Variants in PHACTR1 observed in about 807,000 individuals in gnomAD.
The protein encoded by PHACTR1 is RPEL repeat containing 1.
A neutral mutation model predicts 69.2 loss-of-function variants in PHACTR1; 16 were observed. That is an observed-to-expected ratio of 0.23 (90% CI 0.16 to 0.35). The LOEUF is 0.35. PHACTR1 is among the 10% of genes least tolerant of loss of function. The pLI is 1.00. For missense variants in PHACTR1, 510 were observed against 734.7 expected (o/e 0.69, Z 3.54); for synonymous variants, 312 against 284.5 (o/e 1.10, Z -0.97).
At chr6:12,847,991 T>C (rs1303002580) in intron 4 of PHACTR1, among the ~76,000 whole-genome samples, 1 of 152,210 alleles carries the variant, frequency 6.6e-6, no homozygotes, top group Non-Finnish European at 1.5e-5. Flanking sequence ...ACCATCTTGA[T>C]GTGGTTAGAA....
intron 7 of PHACTR1, among the ~76,000 whole-genome samples, chr6:13,198,928 C>A (rs1764805604): frequency 6.6e-6 from 1 of 152,168 alleles, no homozygotes; most frequent in Admixed American, 6.5e-5. Context: ...GAACTTGCAG[C>A]ACCAGGTGTC....
intron 4 of PHACTR1, among the ~76,000 whole-genome samples, chr6:12,828,487 C>T (rs980882655): frequency 2.0e-5 from 3 of 152,008 alleles, no homozygotes; most frequent in Non-Finnish European, 2.9e-5. Flanking sequence ...AATTTCTATT[C>T]TTTTTGTTTC....
intron 6 of PHACTR1, among the ~76,000 whole-genome samples, chr6:13,167,823 A>C (rs1760031550): frequency 6.6e-6 from 1 of 152,240 alleles, no homozygotes; most frequent in South Asian, 2.1e-4. Context: ...AGCTTCCTGA[A>C]ATGGACAACT....
rs565799489 is a variant in PHACTR1 at position 13,043,384 on chromosome 6, G to A, written c.251-9981G>A. On this transcript the variant is annotated intron_variant, in intron 4 of 14. Transcript: ENST00000332995. ...GGAGGTTGCAGTGAACGGAGATAGA[G>A]CCACTGAACTCCAGCCTGGGTGACA... is the stretch of plus-strand genomic sequence containing the variant. Among the ~76,000 whole-genome samples, 40 of 152,006 alleles carry A rather than the reference G, an allele frequency of 2.6e-4. No individual in the cohort carries two copies. In the East Asian group the frequency reaches 7.4e-3, roughly 28 times the overall value.
chr6:12,891,350 G>A (rs908512040), intron 4 of PHACTR1, among the ~76,000 whole-genome samples: 8 of 152,034 alleles, frequency 5.3e-5, no homozygotes, highest in Admixed American at 1.3e-4. Context: ...CCCCTTTTCC[G>A]TGAGTTATTC....
chr6:12,760,826 G>A (rs1281657715), intron 4 of PHACTR1, among the ~76,000 whole-genome samples: 14 of 152,148 alleles, frequency 9.2e-5, no homozygotes, highest in African/African-American at 3.4e-4. Flanking sequence ...CCAACTACTC[G>A]GGAGGCTGAG....
chr6:13,209,184 C>T (rs999800685), intron 8 of PHACTR1, among the ~76,000 whole-genome samples: 2 of 152,184 alleles, frequency 1.3e-5, no homozygotes, highest in African/African-American at 4.8e-5. Flanking sequence ...CAGGAAGAAT[C>T]TCAAAATAGG....
At chr6:12,800,475 G>GT (rs1369148621) in intron 4 of PHACTR1, among the ~76,000 whole-genome samples, 3 of 152,102 alleles carry the variant, frequency 2.0e-5, no homozygotes, top group South Asian at 2.1e-4. Context: ...GTATGCCATT[G>GT]TTTTTTCTCT....
chr6:12,723,459 A>G (rs976652695), intron 3 of PHACTR1, among the ~76,000 whole-genome samples: 17 of 151,320 alleles, frequency 1.1e-4, no homozygotes, highest in African/African-American at 4.1e-4. Context: ...CATTACAAAC[A>G]CCACCTGGAA....
chr6:12,852,812 T>C (rs1228822552), intron 4 of PHACTR1, among the ~76,000 whole-genome samples: 2 of 152,230 alleles, frequency 1.3e-5, no homozygotes, highest in Non-Finnish European at 2.9e-5. Flanking sequence ...CTCACTCTGA[T>C]AGTTTATGAC....
chr6:13,014,158 C>T (rs1413313501), intron 4 of PHACTR1, among the ~76,000 whole-genome samples: 2 of 151,706 alleles, frequency 1.3e-5, no homozygotes, highest in Non-Finnish European at 2.9e-5. Flanking sequence ...CGGGGCCCGT[C>T]GGGGCGGCGG....
At chr6:12,910,643 A>G (rs1786279903) in intron 4 of PHACTR1, among the ~76,000 whole-genome samples, 1 of 152,228 alleles carries the variant, frequency 6.6e-6, no homozygotes, top group South Asian at 2.1e-4. Context: ...CGTACATATT[A>G]TTATTGACAG....
At chr6:13,118,214 A>T (rs1818099188) in intron 5 of PHACTR1, among the ~76,000 whole-genome samples, 1 of 152,154 alleles carries the variant, frequency 6.6e-6, no homozygotes, top group Non-Finnish European at 1.5e-5. Flanking sequence ...AGGCTTGAAC[A>T]TGTGCTATTA....
At chr6:13,197,745 C>G (rs894974342) in intron 7 of PHACTR1, among the ~76,000 whole-genome samples, 8 of 152,186 alleles carry the variant, frequency 5.3e-5, no homozygotes, top group African/African-American at 1.7e-4. Flanking sequence ...TTCACCAGGA[C>G]ATTCTGCCCT....
At chr6:13,037,127 C>T (rs571019840) in intron 4 of PHACTR1, among the ~76,000 whole-genome samples, 1 of 152,308 alleles carries the variant, frequency 6.6e-6, no homozygotes, top group African/African-American at 2.4e-5. Flanking sequence ...TGATTCTCTG[C>T]TCTGCCCACC....
intron 6 of PHACTR1, among the ~76,000 whole-genome samples, chr6:13,181,508 C>G (rs932224739): frequency 6.6e-6 from 1 of 152,268 alleles, no homozygotes. Context: ...CTAAGACTCC[C>G]CTGGGCTAGG....
At chr6:12,937,679 G>GA (rs1266335408) in intron 4 of PHACTR1, among the ~76,000 whole-genome samples, 1 of 151,772 alleles carries the variant, frequency 6.6e-6, no homozygotes, top group Non-Finnish European at 1.5e-5. Context: ...AGTGTGGGCA[G>GA]AACAAAAGCT....
At chr6:13,238,484 C>T (rs963677295) in intron 10 of PHACTR1, among the ~76,000 whole-genome samples, 1 of 152,104 alleles carries the variant, frequency 6.6e-6, no homozygotes, top group Non-Finnish European at 1.5e-5. Flanking sequence ...TTTTATACTC[C>T]TAAGTAGTCT....
At chr6:13,254,000 G>A (rs1242917957) in intron 10 of PHACTR1, among the ~76,000 whole-genome samples, 1 of 152,232 alleles carries the variant, frequency 6.6e-6, no homozygotes. Context: ...GGCCAAGGCA[G>A]GCAGATTGCC....
Sources: allele counts gnomAD v4.1 joint callset (sites outside exome capture counted in the v4.1 genomes callset), GRCh38; gene constraint gnomAD v4.1.1; transcripts MANE v1.5; gene names NCBI Gene and HGNC (gene_info 2026-07-23, HGNC 2026-07-21).